CATSPERT: variants seen among roughly 807,000 people sequenced by gnomAD.
CATSPERT encodes cation channel sperm-associated targeting subunit tau.
chr2:201,601,130 G>C, the CATSPERT span, among the ~76,000 whole-genome samples: 1 of 152,222 alleles, frequency 6.6e-6, no homozygotes, highest in East Asian at 1.9e-4. Flanking sequence ...GCCGGTGTGT[G>C]AGGCAGTTTA....
At chr2:201,595,906 CAAAA>C in the CATSPERT span, among the ~76,000 whole-genome samples, 41,223 of 141,862 alleles carry the variant, frequency 0.29, 6,410 homozygotes, top group East Asian at 0.51. Context: ...ACTAAAAACT[CAAAA>C]AAAAAAAAAA....
At chr2:201,544,443 C>G in the CATSPERT span, among the ~76,000 whole-genome samples, 1 of 152,144 alleles carries the variant, frequency 6.6e-6, no homozygotes, top group African/African-American at 2.4e-5. Context: ...ACTGCATGAA[C>G]AGTCCACTTA....
At chr2:201,581,921 A>G in the CATSPERT span, among the ~76,000 whole-genome samples, 1 of 152,098 alleles carries the variant, frequency 6.6e-6, no homozygotes, top group Admixed American at 6.6e-5. Context: ...TTATGCTATT[A>G]TAAGCCAACT....
At chr2:201,490,604 G>A in the CATSPERT span, among the ~76,000 whole-genome samples, 1 of 152,188 alleles carries the variant, frequency 6.6e-6, no homozygotes, top group African/African-American at 2.4e-5. Flanking sequence ...CCAGATGGTG[G>A]GTTGGGGGAG....
At chr2:201,522,938 G>A in the CATSPERT span, among the ~76,000 whole-genome samples, 188 of 152,300 alleles carry the variant, frequency 1.2e-3, no homozygotes, top group African/African-American at 4.4e-3. Flanking sequence ...TGGCCACTCC[G>A]ACTTGCAGTG....
the CATSPERT span, among the ~76,000 whole-genome samples, chr2:201,560,114 A>T: frequency 6.6e-6 from 1 of 152,200 alleles, no homozygotes; most frequent in South Asian, 2.1e-4. Flanking sequence ...GAGCTGAAGA[A>T]TTCAATGACT....
At chr2:201,599,353 T>C in the CATSPERT span, among the ~76,000 whole-genome samples, 1 of 152,106 alleles carries the variant, frequency 6.6e-6, no homozygotes, top group Non-Finnish European at 1.5e-5. Flanking sequence ...GTTTATATTA[T>C]TCATTGATTT....
At chr2:201,526,003 C>T in the CATSPERT span, among the ~76,000 whole-genome samples, 2 of 152,024 alleles carry the variant, frequency 1.3e-5, no homozygotes, top group South Asian at 2.1e-4. Context: ...AAGCCCAGGA[C>T]CAGATAATTC....
chr2:201,513,107 AT>A, the CATSPERT span, among the ~76,000 whole-genome samples: 3 of 151,446 alleles, frequency 2.0e-5, no homozygotes, highest in East Asian at 5.8e-4. Flanking sequence ...AAAAAGAAAA[AT>A]AAAAAAATAA....
chr2:201,581,201 T>C, the CATSPERT span, among the ~76,000 whole-genome samples: 1 of 150,398 alleles, frequency 6.6e-6, no homozygotes, highest in African/African-American at 2.5e-5. Flanking sequence ...AACTCAGGAG[T>C]ACGAGACCAG....
At chr2:201,546,352 A>T in the CATSPERT span, among the ~76,000 whole-genome samples, 2 of 152,186 alleles carry the variant, frequency 1.3e-5, no homozygotes, top group African/African-American at 4.8e-5. Context: ...TATAGGTTAG[A>T]GTATATTTCT....
the CATSPERT span, among the ~76,000 whole-genome samples, chr2:201,598,494 C>T: frequency 6.6e-6 from 1 of 152,032 alleles, no homozygotes; most frequent in Non-Finnish European, 1.5e-5. Context: ...GAGGGAGAGA[C>T]GTCCCCTCCC....
chr2:201,609,127 A>G, the CATSPERT span, among the ~76,000 whole-genome samples: 1 of 152,206 alleles, frequency 6.6e-6, no homozygotes, highest in Non-Finnish European at 1.5e-5. Flanking sequence ...AAATGTGTCA[A>G]ATCAGCAAGA....
chr2:201,523,764 GAGCTGAAAGACAAAATAGTCATTTTA>G, the CATSPERT span, among the ~76,000 whole-genome samples: 5,420 of 152,230 alleles, frequency 0.036, 141 homozygotes, highest in Non-Finnish European at 0.056. Context: ...AATGAGTCAA[GAGCTGAAAGACAAAATAGTCATTTTA>G]AGCAGGAGAC....
At chr2:201,562,053 C>T in the CATSPERT span, among the ~76,000 whole-genome samples, 1 of 152,072 alleles carries the variant, frequency 6.6e-6, no homozygotes, top group Non-Finnish European at 1.5e-5. Flanking sequence ...AAATGGCTGC[C>T]ATCTTTTTCT....
At chr2:201,555,993 C>T in the CATSPERT span, 1 of 152,118 alleles carries the variant, frequency 6.6e-6, no homozygotes, top group Non-Finnish European at 1.5e-5. Flanking sequence ...ATACATCTAC[C>T]TCTGCTACTC....
At chr2:201,540,236 T>A in the CATSPERT span, among the ~76,000 whole-genome samples, 1 of 152,264 alleles carries the variant, frequency 6.6e-6, no homozygotes, top group Admixed American at 6.5e-5. Context: ...CAAGTGCTGA[T>A]GTAGAAGCTG....
the CATSPERT span, among the ~76,000 whole-genome samples, chr2:201,530,575 G>T: frequency 1.4e-5 from 1 of 72,338 alleles, no homozygotes; most frequent in Non-Finnish European, 3.3e-5. Flanking sequence ...ATTAGTAAGG[G>T]ATTTAAAATT....
the CATSPERT span, chr2:201,565,746 C>A: frequency 6.6e-7 from 1 of 1,524,440 alleles, no homozygotes; most frequent in East Asian, 2.4e-5. Flanking sequence ...GGGGTTGTTG[C>A]TGAAGTTTTT....
Sources: gnomAD v4.1 joint callset for allele counts (sites outside exome capture counted in the v4.1 genomes callset) on GRCh38, gnomAD v4.1.1 for gene constraint, MANE v1.5 for transcripts, NCBI Gene and HGNC (gene_info 2026-07-23, HGNC 2026-07-21) for gene names.